Variants in ATM observed in about 807,000 individuals in gnomAD.
The protein encoded by ATM is ATM serine/threonine kinase, also known as serine-protein kinase ATM.
ATM carries 308 observed loss-of-function variants against 387.0 expected under a neutral mutation model. The observed-to-expected ratio is 0.80, with a 90% CI of 0.73 to 0.87. The LOEUF is 0.87. ATM is among the 40% of genes least tolerant of loss of function. The pLI, the probability that ATM is intolerant of heterozygous loss-of-function variation, is 0.00. For synonymous variants in ATM, 1,156 were observed against 1,187.3 expected (o/e 0.97, Z 0.54); for missense variants, 3,312 against 3,560.9 (o/e 0.93, Z 1.78).
rs561613753 is a variant in ATM at position 108,248,498 on chromosome 11, G to T, written c.1066-435G>T. Among the ~76,000 whole-genome samples the T allele has an allele frequency of 2.6e-3, 393 of 152,242 alleles. 2 individuals carry two copies. The highest frequency in any genetic ancestry group is 4.4e-3 in the Non-Finnish European group (302 of 68,026). ...TATGTTATCAGATTTATATGTTTCTGTAATGTATTACTCTTGCTTTATGAG... is the reference window on the plus strand; with the variant it reads ...TATGTTATCAGATTTATATGTTTCTTTAATGTATTACTCTTGCTTTATGAG... On this transcript the variant is annotated intron_variant, in intron 8 of 62. Transcript: ENST00000675843.
At chr11:108,292,895 T>C (rs1270459288) in intron 30 of ATM, 102 bp downstream of exon 30, 1 of 1,380,484 alleles carries the variant, frequency 7.2e-7, no homozygotes, top group Non-Finnish European at 1.0e-6. Context: ...GGTGATTTTA[T>C]TGAGAATATT....
intron 18 of ATM, among the ~76,000 whole-genome samples, chr11:108,269,985 A>T (rs1383497582): frequency 6.6e-6 from 1 of 152,222 alleles, no homozygotes; most frequent in South Asian, 2.1e-4. Context: ...CCTCATGTAC[A>T]TGACTCTCAT....
chr11:108,303,114 C>A, intron 36 of ATM, 85 bp downstream of exon 36: 1 of 1,273,666 alleles, frequency 7.9e-7, no homozygotes, highest in Non-Finnish European at 1.1e-6. Flanking sequence ...ATCATCTTCA[C>A]ATAATATCAC....
In ATM at chr11:108,331,466, C is replaced by T; in HGVS notation, c.7538C>T (p.Thr2513Ile). 6.2e-7 allele frequency: 1 copy of T among 1,612,418 alleles called. No homozygotes were observed. Among genetic ancestry groups the T allele is most frequent in the Non-Finnish European group, 8.5e-7 (1 of 1,179,302 alleles). Residue 2513 changes from threonine to isoleucine, a missense_variant, in exon 51 of 63, where the codon ACA becomes ATA. Physicochemically the swap from Thr to Ile is moderately conservative, Grantham distance 89 (BLOSUM62 -1). Transcript: ENST00000675843. ...MMKRDGMKIP[T>I]YKFLPLMYQL... ...TAGAGAGACGGAATGAAGATTCCAA[C>T]ATATAAATTTTTGCCTCTTATGTAC...
intron 32 of ATM, chr11:108,295,261 G>A: frequency 1.6e-6 from 1 of 621,016 alleles, no homozygotes; most frequent in Non-Finnish European, 2.7e-6. Flanking sequence ...TTCATCCTCT[G>A]CCAGATGATT....
intron 16 of ATM, among the ~76,000 whole-genome samples, chr11:108,262,462 T>C (rs978695532): frequency 2.0e-5 from 3 of 152,118 alleles, no homozygotes; most frequent in Non-Finnish European, 2.9e-5. Context: ...CAGGCCTGCC[T>C]TACAAGAGCT....
rs868643478 is a variant in ATM, at chr11:108,317,656, C to T, written c.6347+135C>T. 8.3e-3 allele frequency: 1,388 copies of T among 168,176 alleles called. 17 individuals are homozygous for T. Among genetic ancestry groups the T allele is most frequent in the African/African-American group, 0.053 (1,194 of 22,692 alleles). 10.4% of individuals were successfully genotyped at this position (168,176 alleles called of 1,614,324 possible). A position where few individuals can be genotyped will look rare whatever the true frequency, so the allele number is the denominator to read the frequency against. On this transcript the variant is annotated intron_variant, in intron 43 of 62. Coordinates refer to ENST00000675843, the MANE Select transcript of ATM (RefSeq NM_000051.4). ...ATATATATATATATATATATATACA[C>T]ACACACACACACACACACTATATAT... is the stretch of plus-strand genomic sequence containing the variant.
At chr11:108,291,190 C>T (rs1333519268) in intron 29 of ATM, among the ~76,000 whole-genome samples, 9 of 151,336 alleles carry the variant, frequency 5.9e-5, no homozygotes, top group Non-Finnish European at 1.5e-5. Flanking sequence ...GAGTCTAATT[C>T]GCACCACTGC....
chr11:108,369,018 A>G lies in ATM; in HGVS notation c.*3510A>G, dbSNP rs1250091038. 5.6e-6 allele frequency: 1 copy of G among 180,048 alleles called. No homozygotes were observed. Among genetic ancestry groups the G allele is most frequent in the African/African-American group, 2.4e-5 (1 of 42,426 alleles). The allele number at this position is 180,048 out of a possible 1,614,324, so 11.2% of individuals were successfully genotyped here. ...CTTAATGAAATTATCTATTTTCTAT[A>G]GATTTTAGTACTATTGAATGTATTA... On this transcript the variant is annotated 3_prime_UTR_variant, in exon 63 of 63. Transcript: ENST00000675843.
chr11:108,320,013 G>C lies in ATM; in HGVS notation c.6407G>C (p.Arg2136Thr), dbSNP rs2085084255. The part of the protein sequence containing the change: ...ESLYNALQSL[R>T]DREFSTFYES... Reference sequence around the variant, plus strand: ...TTGTACAATGCTCTACAATCTCTAAGAGACAGAGAATTCTCTACATTTTAT... The same window carrying C: ...TTGTACAATGCTCTACAATCTCTAACAGACAGAGAATTCTCTACATTTTAT... The change falls in exon 44 of 63, where the codon AGA (arginine) becomes ACA (threonine). Residue 2136 changes from arginine (R) to threonine (T), a missense_variant. Arg to Thr is a moderately conservative substitution (Grantham distance 71). This residue lies in a region of ATM where 1,405 missense variants were observed against 1,604.4 expected (regional missense o/e 0.88). Transcript: ENST00000675843. 6.2e-7 allele frequency: 1 copy of C among 1,612,030 alleles called. No individual in the cohort carries two copies. Among genetic ancestry groups the C allele is most frequent in the East Asian group, 2.2e-5 (1 of 44,746 alleles).
chr11:108,354,912 T>C lies in ATM; in HGVS notation c.8850+38T>C, dbSNP rs200480571. ...ATAAGGAAGACTTTATTTTTTTTCTTACCAGGTAGACTGTGTATCTCATCA... is the reference window on the plus strand; with the variant it reads ...ATAAGGAAGACTTTATTTTTTTTCTCACCAGGTAGACTGTGTATCTCATCA... On this transcript the variant is annotated intron_variant, in intron 61 of 62. Transcript: ENST00000675843. 3.2e-6 allele frequency: 5 copies of C among 1,541,178 alleles called. No individual in the cohort carries two copies. The African/African-American group carries it at 4.1e-5, about 13-fold the overall frequency.
intron 26 of ATM, among the ~76,000 whole-genome samples, chr11:108,285,885 ATGTAT>A (rs2082465976): frequency 6.6e-6 from 1 of 152,192 alleles, no homozygotes; most frequent in South Asian, 2.1e-4. Context: ...TCTTTTCTTA[ATGTAT>A]TCAAACCAAA....
chr11:108,253,702 T>C, intron 12 of ATM, 112 bp from the exon 13 acceptor site: 1 of 698,676 alleles, frequency 1.4e-6, no homozygotes, highest in Non-Finnish European at 2.4e-6. Context: ...TAAGTAGTCT[T>C]TGAATGATGT....
rs774118570 is a variant in ATM at position 108,332,840 on chromosome 11, C to A, written c.7867C>A (p.Leu2623Ile). The A allele has an allele frequency of 6.2e-7, 1 of 1,613,120 alleles. No individual in the cohort carries two copies. Reference protein sequence around the residue: ...RPQMVRSVEALCDAYIILANL... With the variant: ...RPQMVRSVEAICDAYIILANL... ...TCAGATGGTCAGAAGTGTTGAGGCACTTTGTGATGCTTATATTATATTAGC... is the reference window on the plus strand; with the variant it reads ...TCAGATGGTCAGAAGTGTTGAGGCAATTTGTGATGCTTATATTATATTAGC... The change falls in exon 53 of 63, where the codon CTT (leucine) becomes ATT (isoleucine). Residue 2623 changes from leucine to isoleucine, a missense_variant. Around this residue, in one of 4 missense-constraint regions of ATM, gnomAD observed 1,405 missense variants for 1,604.4 expected, o/e 0.88. Transcript: ENST00000675843.
At chr11:108,327,792 C>G (rs187869262) in intron 48 of ATM, 34 bp downstream of exon 48, 87 of 1,457,442 alleles carry the variant, frequency 6.0e-5, no homozygotes, top group Admixed American at 1.3e-4. Flanking sequence ...AAGATAGTTA[C>G]TTAGCATGAA....
Position 108,319,978 on chromosome 11 carries a change from C to G in ATM, c.6372C>G (p.Tyr2124Ter), listed in dbSNP as rs904589402. Residue 2124 changes from tyrosine to a stop codon, truncating the protein, a stop_gained, in exon 44 of 63, where the codon TAC becomes TAG. Coordinates refer to ENST00000675843, the MANE Select transcript of ATM (RefSeq NM_000051.4). LOFTEE classifies it high-confidence loss of function. ...GCAAAGAAGTAGAAGGAACCAGTTA[C>G]CATGAATCATTGTACAATGCTCTAC... ...SVSKEVEGTS[Y>*]HESLYNALQS... 6.2e-7 allele frequency: 1 copy of G among 1,612,306 alleles called. No individual in the cohort carries two copies. The highest frequency in any genetic ancestry group is 1.7e-4 in the Middle Eastern group (1 of 6,056).
chr11:108,347,244 A>T (rs1019086453), intron 58 of ATM, 35 bp from the exon 59 acceptor site: 1 of 1,409,868 alleles, frequency 7.1e-7, no homozygotes, highest in African/African-American at 1.4e-5. Flanking sequence ...AGATGGAATC[A>T]GTGATTTCAG....
intron 16 of ATM, among the ~76,000 whole-genome samples, chr11:108,260,312 G>A (rs2080787335): frequency 6.6e-6 from 1 of 152,090 alleles, no homozygotes; most frequent in African/African-American, 2.4e-5. Context: ...TTGGATTACA[G>A]GTGTGAGCCA....
intron 22 of ATM, among the ~76,000 whole-genome samples, chr11:108,278,863 G>A (rs997472348): frequency 6.6e-6 from 1 of 152,098 alleles, no homozygotes; most frequent in Admixed American, 6.5e-5. Flanking sequence ...ATTTGGAGGG[G>A]TTAAACATTC....
Sources: allele counts gnomAD v4.1 joint callset (sites outside exome capture counted in the v4.1 genomes callset), GRCh38; gene constraint gnomAD v4.1.1; regional missense constraint gnomAD v4.1.1; transcripts MANE v1.5; gene names NCBI Gene and HGNC (gene_info 2026-07-23, HGNC 2026-07-21).